Variants in PDE4B observed in about 807,000 individuals in gnomAD.
PDE4B encodes the protein phosphodiesterase 4B, also known as 3',5'-cyclic-AMP phosphodiesterase 4B.
In PDE4B, 20 loss-of-function variants were observed where a neutral mutation model predicts 82.2. The ratio of observed to expected loss-of-function variants is 0.24; its 90% CI spans 0.17 to 0.35. PDE4B has a LOEUF of 0.35. Among genes scored for constraint, PDE4B ranks in the 10% least tolerant of loss-of-function variants. The pLI is 1.00. For missense variants in PDE4B, 655 were observed against 907.2 expected (o/e 0.72, Z 3.57); for synonymous variants, 320 against 318.9 (o/e 1.00, Z -0.04).
chr1:66,278,077 A>G (rs1469172011), intron 7 of PDE4B, among the ~76,000 whole-genome samples: 1 of 152,148 alleles, frequency 6.6e-6, no homozygotes, highest in African/African-American at 2.4e-5. Flanking sequence ...GTAACTGCCT[A>G]TTTTCTTGAC....
intron 3 of PDE4B, among the ~76,000 whole-genome samples, chr1:66,052,570 T>TG (rs1553138318): frequency 6.6e-5 from 10 of 151,244 alleles, no homozygotes; most frequent in Admixed American, 6.6e-4. Context: ...TTTTTTTTTT[T>TG]GCCTTTCTTC....
At chr1:66,235,982 T>C (rs1443409012) in intron 3 of PDE4B, among the ~76,000 whole-genome samples, 1 of 152,226 alleles carries the variant, frequency 6.6e-6, no homozygotes, top group Non-Finnish European at 1.5e-5. Context: ...GCTGCTGTGA[T>C]TGGCTGAGCT....
intron 6 of PDE4B, among the ~76,000 whole-genome samples, chr1:66,262,658 A>G (rs191451933): frequency 1.8e-4 from 28 of 152,320 alleles, no homozygotes; most frequent in African/African-American, 3.6e-4. Context: ...CTCATGCCCT[A>G]CAAGCAATCA....
At chr1:65,954,184 A>G (rs1649143059) in intron 3 of PDE4B, among the ~76,000 whole-genome samples, 1 of 152,166 alleles carries the variant, frequency 6.6e-6, no homozygotes, top group Admixed American at 6.5e-5. Flanking sequence ...GCTGTGAGCC[A>G]CTGTGCCTGG....
intron 1 of PDE4B, among the ~76,000 whole-genome samples, chr1:65,857,686 A>G (rs1646408674): frequency 6.6e-6 from 1 of 151,886 alleles, no homozygotes; most frequent in South Asian, 2.1e-4. Flanking sequence ...CCTTGAATGT[A>G]TTTTTTTTCC....
chr1:65,819,003 G>T (rs114255264), intron 1 of PDE4B, among the ~76,000 whole-genome samples: 2 of 152,006 alleles, frequency 1.3e-5, no homozygotes, highest in African/African-American at 4.8e-5. Context: ...TGTGAGTGTG[G>T]TGCTCTTCTG....
chr1:65,883,517 A>T (rs1646734298), intron 1 of PDE4B, among the ~76,000 whole-genome samples: 1 of 152,120 alleles, frequency 6.6e-6, no homozygotes, highest in Non-Finnish European at 1.5e-5. Flanking sequence ...GTATCCTGAG[A>T]CTTTGCTGAA....
chr1:66,323,915 T>G (rs1659579511), intron 7 of PDE4B, among the ~76,000 whole-genome samples: 1 of 152,208 alleles, frequency 6.6e-6, no homozygotes, highest in Non-Finnish European at 1.5e-5. Context: ...GCAGCTTGCC[T>G]CTATCCCTAT....
intron 1 of PDE4B, among the ~76,000 whole-genome samples, chr1:65,855,142 G>GATATTATATTATATT (rs200109700): frequency 9.3e-5 from 14 of 150,280 alleles, no homozygotes; most frequent in Middle Eastern, 6.9e-3. Context: ...TATTTAAGCA[G>GATATTATATTATATT]ATATTATATT....
intron 3 of PDE4B, among the ~76,000 whole-genome samples, chr1:66,220,016 G>A (rs1650841783): frequency 6.6e-6 from 1 of 152,174 alleles, no homozygotes; most frequent in African/African-American, 2.4e-5. Context: ...AGAAGGGCCT[G>A]CCAATTTACC....
chr1:65,876,720 A>G (rs758202239), intron 1 of PDE4B, among the ~76,000 whole-genome samples: 4 of 152,208 alleles, frequency 2.6e-5, no homozygotes, highest in Non-Finnish European at 4.4e-5. Context: ...TAATCATACA[A>G]TATGAAATAT....
chr1:66,006,833 T>C (rs971102269), intron 3 of PDE4B, among the ~76,000 whole-genome samples: 2 of 152,244 alleles, frequency 1.3e-5, no homozygotes, highest in Non-Finnish European at 2.9e-5. Flanking sequence ...ATTGTAAGTT[T>C]CCCGAGGCCT....
rs1416330507 is a variant in PDE4B, at chr1:65,986,319, C to A, written c.281+67484C>A. 5.3e-5 allele frequency among the ~76,000 whole-genome samples: 8 copies of A among 152,026 alleles called. 1 individual carries two copies. Among genetic ancestry groups the A allele is most frequent in the Middle Eastern group, 3.2e-3 (1 of 316 alleles). ...CACAAAACATTCTGAGGGAGACAGCCAATGCTGGTGGAGTACAGATGGATG... is the reference window on the plus strand; with the variant it reads ...CACAAAACATTCTGAGGGAGACAGCAAATGCTGGTGGAGTACAGATGGATG... On this transcript the variant is annotated intron_variant, in intron 3 of 16. Coordinates refer to ENST00000341517, the MANE Select transcript of PDE4B (RefSeq NM_002600.4).
At chr1:65,924,551 C>T (rs1647400546) in intron 3 of PDE4B, among the ~76,000 whole-genome samples, 1 of 152,126 alleles carries the variant, frequency 6.6e-6, no homozygotes. Flanking sequence ...ATAATCCCAA[C>T]ATTTACTGGC....
At chr1:65,884,384 G>T (rs1164254410) in intron 1 of PDE4B, among the ~76,000 whole-genome samples, 2 of 152,022 alleles carry the variant, frequency 1.3e-5, no homozygotes, top group Admixed American at 1.3e-4. Context: ...GTTTAGTCCT[G>T]GGAGGGTGTA....
intron 1 of PDE4B, among the ~76,000 whole-genome samples, chr1:65,796,505 A>G (rs986073033): frequency 6.7e-6 from 1 of 149,992 alleles, no homozygotes; most frequent in Non-Finnish European, 1.5e-5. Flanking sequence ...TCTACTACAG[A>G]GCCCATCTAG....
At chr1:66,250,700 T>C (rs1386677911) in intron 4 of PDE4B, among the ~76,000 whole-genome samples, 10 of 152,200 alleles carry the variant, frequency 6.6e-5, no homozygotes, top group Admixed American at 6.5e-4. Flanking sequence ...TGCCTTCGTA[T>C]ACTGAGGTAC....
intron 3 of PDE4B, among the ~76,000 whole-genome samples, chr1:66,219,124 G>GGCTTCTCA (rs1229209677): frequency 6.6e-6 from 1 of 152,058 alleles, no homozygotes; most frequent in East Asian, 1.9e-4. Flanking sequence ...AGCCATGTAT[G>GGCTTCTCA]GCTTCTCAAA....
chr1:66,046,670 A>T (rs1654731889), intron 3 of PDE4B, among the ~76,000 whole-genome samples: 1 of 151,878 alleles, frequency 6.6e-6, no homozygotes, highest in African/African-American at 2.4e-5. Context: ...GAAGACTCTG[A>T]ATTATCGGGA....
Sources: allele counts gnomAD v4.1 joint callset (sites outside exome capture counted in the v4.1 genomes callset), GRCh38; gene constraint gnomAD v4.1.1; transcripts MANE v1.5; gene names NCBI Gene and HGNC (gene_info 2026-07-23, HGNC 2026-07-21).